MEI4: variants seen among roughly 807,000 people sequenced by gnomAD.
MEI4 encodes meiotic double-stranded break formation protein 4.
A neutral mutation model predicts 31.4 loss-of-function variants in MEI4; 27 were observed. The observed-to-expected ratio is 0.86, with a 90% CI of 0.63 to 1.19. The LOEUF (loss-of-function observed/expected upper bound fraction) is 1.19. Ranked by LOEUF, MEI4 falls within the 50% of genes most tolerant of loss-of-function variation. The pLI, the probability that MEI4 is intolerant of heterozygous loss-of-function variation, is 0.00. For missense variants in MEI4, 329 were observed against 398.9 expected, an observed-to-expected ratio of 0.82 and a Z score of 1.49; for synonymous variants, 122 against 145.4, an observed-to-expected ratio of 0.84 and a Z score of 1.16.
At chr6:77,769,160 G>A (rs992444021) in intron 3 of MEI4, among the ~76,000 whole-genome samples, 9 of 152,088 alleles carry the variant, frequency 5.9e-5, no homozygotes, top group Non-Finnish European at 5.9e-5. Flanking sequence ...CCCTGGCAGC[G>A]GCCATATGGC....
intron 2 of MEI4, among the ~76,000 whole-genome samples, chr6:77,728,046 G>A (rs1766871421): frequency 6.6e-6 from 1 of 152,218 alleles, no homozygotes; most frequent in Non-Finnish European, 1.5e-5. Flanking sequence ...GGTTGAGAGA[G>A]TGAAGGTGAA....
intron 4 of MEI4, among the ~76,000 whole-genome samples, chr6:77,855,530 CAAAGT>C (rs1463343785): frequency 6.6e-6 from 1 of 152,064 alleles, no homozygotes; most frequent in Non-Finnish European, 1.5e-5. Flanking sequence ...TTAAAATAGA[CAAAGT>C]AAAAAGATTT....
At chr6:77,699,290 C>A (rs1345539791) in intron 2 of MEI4, among the ~76,000 whole-genome samples, 1 of 149,436 alleles carries the variant, frequency 6.7e-6, no homozygotes, top group East Asian at 2.0e-4. Flanking sequence ...CCCGGGTTCA[C>A]GCCATTCTCC....
intron 3 of MEI4, among the ~76,000 whole-genome samples, chr6:77,761,966 C>T (rs1378763214): frequency 6.6e-6 from 1 of 151,974 alleles, no homozygotes; most frequent in East Asian, 1.9e-4. Flanking sequence ...TTTCCCTTTT[C>T]TGTTTCTATT....
At chr6:77,686,875 C>CTTTTTTTTTTTTTTTTTTTTTTTTT (rs70974681) in intron 1 of MEI4, among the ~76,000 whole-genome samples, 2 of 132,480 alleles carry the variant, frequency 1.5e-5, no homozygotes, top group African/African-American at 2.6e-5. Flanking sequence ...GTCTGTGGCT[C>CTTTTTTTTTTTTTTTTTTTTTTTTT]TTTTTTTTTG....
At chr6:77,744,802 G>A (rs1425125809) in intron 2 of MEI4, among the ~76,000 whole-genome samples, 2 of 152,278 alleles carry the variant, frequency 1.3e-5, no homozygotes, top group South Asian at 2.1e-4. Flanking sequence ...AGAAGAGAGT[G>A]GGGGCCAATA....
chr6:77,766,744 T>C (rs1359803645), intron 3 of MEI4, among the ~76,000 whole-genome samples: 1 of 152,166 alleles, frequency 6.6e-6, no homozygotes. Context: ...GAAATCAGTT[T>C]TGTTTTTTTT....
intron 3 of MEI4, among the ~76,000 whole-genome samples, chr6:77,773,852 C>A (rs1386043343): frequency 6.6e-6 from 1 of 151,762 alleles, no homozygotes; most frequent in African/African-American, 2.4e-5. Flanking sequence ...TTTAAATGGG[C>A]AAATATCTGA....
chr6:77,742,244 C>A (rs9343645), intron 2 of MEI4, among the ~76,000 whole-genome samples: 78,199 of 149,406 alleles, frequency 0.52, 21,863 homozygotes, highest in East Asian at 0.75. Flanking sequence ...CCAACAGTGT[C>A]AAAGTGTTCC....
chr6:77,797,452 A>G (rs1009555203), intron 3 of MEI4, among the ~76,000 whole-genome samples: 6 of 152,110 alleles, frequency 3.9e-5, no homozygotes, highest in Non-Finnish European at 8.8e-5. Flanking sequence ...GGCTTACACG[A>G]TCATAAGGCA....
chr6:77,754,320 A>G (rs1767859521), intron 2 of MEI4, among the ~76,000 whole-genome samples: 1 of 152,204 alleles, frequency 6.6e-6, no homozygotes, highest in Non-Finnish European at 1.5e-5. Flanking sequence ...TCTCTACGGC[A>G]GAGGCAAAAT....
At chr6:77,694,432 AC>A (rs1769219276) in intron 2 of MEI4, among the ~76,000 whole-genome samples, 1 of 145,036 alleles carries the variant, frequency 6.9e-6, no homozygotes, top group Admixed American at 7.0e-5. Context: ...CCCACAACAG[AC>A]CCCGGAGTGT....
chr6:77,912,318 T>G (rs1346678666), intron 4 of MEI4, among the ~76,000 whole-genome samples: 1 of 152,120 alleles, frequency 6.6e-6, no homozygotes, highest in East Asian at 1.9e-4. Flanking sequence ...GGCTCCTTTT[T>G]GTTTCCATGT....
At chr6:77,746,376 C>T (rs909776421) in intron 2 of MEI4, among the ~76,000 whole-genome samples, 2 of 152,074 alleles carry the variant, frequency 1.3e-5, no homozygotes, top group Non-Finnish European at 2.9e-5. Flanking sequence ...TAAGTGGAAG[C>T]CCTGAGTTGA....
intron 1 of MEI4, among the ~76,000 whole-genome samples, chr6:77,656,440 GA>G (rs1478379833): frequency 6.6e-6 from 1 of 152,006 alleles, no homozygotes; most frequent in African/African-American, 2.4e-5. Context: ...CCTGATAGGA[GA>G]AAGCTACTTT....
intron 2 of MEI4, among the ~76,000 whole-genome samples, chr6:77,733,402 G>A (rs1407539409): frequency 1.3e-5 from 2 of 151,998 alleles, no homozygotes; most frequent in East Asian, 3.9e-4. Context: ...TAGATTTTCT[G>A]GTTTATTTGC....
chr6:77,654,833 C>T (rs1768363618), intron 1 of MEI4, among the ~76,000 whole-genome samples: 1 of 151,996 alleles, frequency 6.6e-6, no homozygotes, highest in Non-Finnish European at 1.5e-5. Context: ...GAGTACCTTA[C>T]CATCTCTATG....
At chr6:77,763,039 A>T (rs73459422) in intron 3 of MEI4, among the ~76,000 whole-genome samples, 1,673 of 152,202 alleles carry the variant, frequency 0.011, 25 homozygotes, top group African/African-American at 0.038. Context: ...TATCAGAATT[A>T]CTGAATGATG....
intron 4 of MEI4, among the ~76,000 whole-genome samples, chr6:77,849,240 T>C (rs1770558072): frequency 6.6e-6 from 1 of 152,204 alleles, no homozygotes; most frequent in Non-Finnish European, 1.5e-5. Context: ...AATGTTAATG[T>C]TTTAATGTAG....
Sources: allele counts gnomAD v4.1 joint callset (sites outside exome capture counted in the v4.1 genomes callset), GRCh38; gene constraint gnomAD v4.1.1; transcripts MANE v1.5; gene names NCBI Gene and HGNC (gene_info 2026-07-23, HGNC 2026-07-21).